The following IER3IP1 variants were observed in gnomAD, a reference collection of about 807,000 sequenced individuals.
IER3IP1 encodes the protein immediate early response 3 interacting protein 1.
A neutral mutation model predicts 12.2 loss-of-function variants in IER3IP1; 16 were observed. The observed-to-expected ratio is 1.31, with a 90% confidence interval of 0.89 to 1.99. The LOEUF (loss-of-function observed/expected upper bound fraction) is 1.99, where lower values mean the gene tolerates loss of function less well. Among genes scored for constraint, IER3IP1 ranks in the 30% most tolerant of loss-of-function variants. IER3IP1 has a pLI of 0.00. For missense variants in IER3IP1, 95 were observed against 95.8 expected, an observed-to-expected ratio of 0.99 and a Z score of 0.03; for synonymous variants, 42 against 40.0, an observed-to-expected ratio of 1.05 and a Z score of -0.19.
Position 47,155,068 on chromosome 18 carries a change from C to T in IER3IP1, c.*1109G>A, listed in dbSNP as rs1335783465. 3 of 152,138 alleles carry T rather than the reference C, an allele frequency of 2.0e-5. No individual in the cohort carries two copies. The East Asian group carries it at 5.8e-4, about 29-fold the overall frequency. 9.4% of individuals were successfully genotyped at this position (152,138 alleles called of 1,614,324 possible). A position where few individuals can be genotyped will look rare whatever the true frequency, so the allele number is the denominator to read the frequency against. On this transcript the variant is annotated 3_prime_UTR_variant, in exon 3 of 3. Coordinates refer to ENST00000256433, the MANE Select transcript of IER3IP1 (RefSeq NM_016097.5). The stretch of plus-strand genomic sequence containing the variant: ...TGACTTAGAAATTTAACTTTATTTA[C>T]AAATGTTCTCCTATAAACAAAGATG...
chr18:47,170,891 T>C lies in IER3IP1; in HGVS notation c.91+5296A>G, dbSNP rs541937941. 3.3e-5 allele frequency among the ~76,000 whole-genome samples: 5 copies of C among 152,244 alleles called. No individual in the cohort carries two copies. In the East Asian group the frequency reaches 9.6e-4, roughly 29 times the overall value. On this transcript the variant is annotated intron_variant, in intron 1 of 2. Coordinates refer to ENST00000256433, the MANE Select transcript of IER3IP1 (RefSeq NM_016097.5). ...TCTTTTCTTTTTTCTTGTCTAACTG[T>C]CCTGGTTAGAATCCCCATTATGATG...
At chr18:47,176,092 C>T (rs916116501) in intron 1 of IER3IP1, 95 bp downstream of exon 1, 1 of 1,011,246 alleles carries the variant, frequency 9.9e-7, no homozygotes, top group Non-Finnish European at 1.5e-6. Context: ...GTTCTTCTGT[C>T]CCGGCCCTTG....
chr18:47,166,832 T>C lies in IER3IP1; in HGVS notation c.92-9295A>G, dbSNP rs114936506. Among the ~76,000 whole-genome samples, 439 of 152,320 alleles carry C rather than the reference T, an allele frequency of 2.9e-3. 2 individuals are homozygous for C. Among genetic ancestry groups the C allele is most frequent in the African/African-American group, 0.01 (432 of 41,570 alleles). ...CAATATTTAGTAAGTATTTAAAATA[T>C]TTTAAACTTCTATTTTAAAACATAT... On this transcript the variant is annotated intron_variant, in intron 1 of 2. Coordinates refer to ENST00000256433, the MANE Select transcript of IER3IP1 (RefSeq NM_016097.5).
In IER3IP1 at chr18:47,154,282, A is replaced by T. The variant is rs1599989867; in HGVS notation, c.*1895T>A. 6.6e-6 allele frequency: 1 copy of T among 151,990 alleles called. No homozygotes were observed. The highest frequency in any genetic ancestry group is 2.4e-5 in the African/African-American group (1 of 41,342). 9.4% of individuals were successfully genotyped at this position (151,990 alleles called of 1,614,324 possible). ...AGGGCTGACCAGTGAAAGCTTACAGACCCCTCTTCAGCCACAAACTGGAAT... is the reference window on the plus strand; with the variant it reads ...AGGGCTGACCAGTGAAAGCTTACAGTCCCCTCTTCAGCCACAAACTGGAAT... On this transcript the variant is annotated 3_prime_UTR_variant, in exon 3 of 3. Coordinates refer to ENST00000256433, the MANE Select transcript of IER3IP1 (RefSeq NM_016097.5).
Position 47,176,267 on chromosome 18 carries a change from G to A in IER3IP1, c.11C>T (p.Thr4Ile). 3 of 1,609,174 alleles carry A rather than the reference G, an allele frequency of 1.9e-6. No individual in the cohort carries two copies. The highest frequency in any genetic ancestry group is 2.5e-6 in the Non-Finnish European group (3 of 1,177,930). ...GGCTGCCTGCAGCAGTGAGTACAGGGTAAAGGCCATGGCCGTCCGAGGCCG... is the reference window on the plus strand; with the variant it reads ...GGCTGCCTGCAGCAGTGAGTACAGGATAAAGGCCATGGCCGTCCGAGGCCG... MAF[T>I]LYSLLQAALL... The change falls in exon 1 of 3, where the codon ACC (threonine) becomes ATC (isoleucine). Residue 4 changes from threonine (T) to isoleucine (I), a missense_variant. Physicochemically the swap from Thr to Ile is moderately conservative, Grantham distance 89. Transcript: ENST00000256433.
intron 1 of IER3IP1, among the ~76,000 whole-genome samples, chr18:47,161,541 C>T (rs1326584523): frequency 6.6e-6 from 1 of 152,174 alleles, no homozygotes. Context: ...CCTCGATTCC[C>T]ATTGCCTACT....
At chr18:47,174,809 T>A (rs1481918294) in intron 1 of IER3IP1, among the ~76,000 whole-genome samples, 1 of 151,952 alleles carries the variant, frequency 6.6e-6, no homozygotes, top group Non-Finnish European at 1.5e-5. Context: ...CCTGCCTCAG[T>A]TTTCACACCA....
chr18:47,176,350 C>T lies in IER3IP1; in HGVS notation c.-73G>A. 3.1e-6 allele frequency: 4 copies of T among 1,310,248 alleles called. No individual in the cohort carries two copies. Among genetic ancestry groups the T allele is most frequent in the East Asian group, 2.5e-5 (1 of 40,114 alleles). The allele number at this position is 1,310,248 out of a possible 1,614,324, so 81.2% of individuals were successfully genotyped here. A position where few individuals can be genotyped will look rare whatever the true frequency, so the allele number is the denominator to read the frequency against. On this transcript the variant is annotated 5_prime_UTR_variant, in exon 1 of 3. Transcript: ENST00000256433. ...CGCAAGGGACGTGGCGCCTCCACGG[C>T]CGGCGCCTTCCTACGGAAGCCGATG...
chr18:47,169,595 TTTTA>T (rs1468870011), intron 1 of IER3IP1, among the ~76,000 whole-genome samples: 45 of 151,230 alleles, frequency 3.0e-4, no homozygotes, highest in African/African-American at 9.4e-4. Context: ...TTTTTAACTT[TTTTA>T]TTTATTATAT....
intron 1 of IER3IP1, among the ~76,000 whole-genome samples, chr18:47,168,715 G>T (rs1387634367): frequency 1.3e-5 from 2 of 152,100 alleles, no homozygotes; most frequent in African/African-American, 4.8e-5. Context: ...GTCTTTTGGT[G>T]CACATATTTA....
At chr18:47,171,349 G>A (rs1335177462) in intron 1 of IER3IP1, among the ~76,000 whole-genome samples, 1 of 152,026 alleles carries the variant, frequency 6.6e-6, no homozygotes, top group East Asian at 1.9e-4. Context: ...TTGTGATGTC[G>A]CTGTCTGGTT....
chr18:47,170,436 C>G (rs2064011626), intron 1 of IER3IP1, among the ~76,000 whole-genome samples: 1 of 151,942 alleles, frequency 6.6e-6, no homozygotes, highest in African/African-American at 2.4e-5. Context: ...TTCAAAAAAG[C>G]TAACTGGGAT....
intron 1 of IER3IP1, 57 bp downstream of exon 1, chr18:47,176,130 T>C: frequency 7.0e-7 from 1 of 1,432,842 alleles, no homozygotes; most frequent in Non-Finnish European, 9.6e-7. Flanking sequence ...CCCATTAGGT[T>C]ACGCGCCCCC....
At chr18:47,164,105 T>G (rs2144430087) in intron 1 of IER3IP1, among the ~76,000 whole-genome samples, 1 of 152,228 alleles carries the variant, frequency 6.6e-6, no homozygotes, top group African/African-American at 2.4e-5. Context: ...TAAACATATT[T>G]TTTCACATGT....
chr18:47,175,496 C>G (rs1039185749), intron 1 of IER3IP1, among the ~76,000 whole-genome samples: 3 of 152,032 alleles, frequency 2.0e-5, no homozygotes, highest in Non-Finnish European at 4.4e-5. Context: ...CGGAGTCTCA[C>G]TCTATTGCCC....
chr18:47,168,435 A>C (rs2064004256), intron 1 of IER3IP1, among the ~76,000 whole-genome samples: 1 of 152,218 alleles, frequency 6.6e-6, no homozygotes, highest in Admixed American at 6.5e-5. Context: ...TGAGTATTAA[A>C]AGCTCATTAG....
chr18:47,161,104 C>T (rs1421623617), intron 1 of IER3IP1, among the ~76,000 whole-genome samples: 4 of 152,128 alleles, frequency 2.6e-5, no homozygotes, highest in Non-Finnish European at 4.4e-5. Context: ...ATTCCTGACA[C>T]GCTAACCCTT....
At chr18:47,173,376 T>C (rs1306961302) in intron 1 of IER3IP1, among the ~76,000 whole-genome samples, 3 of 152,288 alleles carry the variant, frequency 2.0e-5, no homozygotes, top group Middle Eastern at 3.4e-3. Flanking sequence ...AGACATAGTC[T>C]TGCTCTGTCA....
chr18:47,158,326 C>A (rs1449028921), intron 1 of IER3IP1, among the ~76,000 whole-genome samples: 4 of 151,976 alleles, frequency 2.6e-5, no homozygotes, highest in Non-Finnish European at 4.4e-5. Context: ...CTAAGTATTT[C>A]TTTCTTTTTT....
Sources: allele counts gnomAD v4.1 joint callset (sites outside exome capture counted in the v4.1 genomes callset), GRCh38; gene constraint gnomAD v4.1.1; transcripts MANE v1.5; gene names NCBI Gene and HGNC (gene_info 2026-07-23, HGNC 2026-07-21).